The following ARHGAP10 variants were observed in gnomAD, a reference collection of about 807,000 sequenced individuals.
The protein encoded by ARHGAP10 is rho GTPase-activating protein 10.
In ARHGAP10, 87 loss-of-function variants were observed where a neutral mutation model predicts 108.6. That is an observed-to-expected ratio of 0.80 (90% CI 0.67 to 0.96). The LOEUF is 0.96. ARHGAP10 is among the 40% of genes least tolerant of loss of function. The probability of loss-of-function intolerance (pLI) is 0.00; values close to 1 mark genes in which losing one functional copy is unlikely to be tolerated. For synonymous variants in ARHGAP10, 347 were observed against 341.1 expected (o/e 1.02, Z -0.19); for missense variants, 939 against 954.5 (o/e 0.98, Z 0.21).
At chr4:147,763,290 GTGT>G (rs1243046697) in intron 1 of ARHGAP10, among the ~76,000 whole-genome samples, 1 of 151,452 alleles carries the variant, frequency 6.6e-6, no homozygotes, top group African/African-American at 2.4e-5. Flanking sequence ...GATAATGGTG[GTGT>G]TTGTAGTAGG....
intron 18 of ARHGAP10, among the ~76,000 whole-genome samples, chr4:148,008,372 A>G (rs746561271): frequency 3.0e-4 from 46 of 151,962 alleles, no homozygotes; most frequent in Non-Finnish European, 6.5e-4. Flanking sequence ...GCTATTAGAA[A>G]CATTTTTGTA....
chr4:147,896,794 A>G (rs1736009364), intron 10 of ARHGAP10, among the ~76,000 whole-genome samples: 1 of 152,108 alleles, frequency 6.6e-6, no homozygotes. Flanking sequence ...TGTTTTTATT[A>G]TAATTCAGTT....
At chr4:147,892,892 G>A (rs1735841197) in intron 10 of ARHGAP10, among the ~76,000 whole-genome samples, 1 of 152,152 alleles carries the variant, frequency 6.6e-6, no homozygotes, top group African/African-American at 2.4e-5. Context: ...GACATCTAGA[G>A]GGTAGAGGGC....
intron 12 of ARHGAP10, among the ~76,000 whole-genome samples, chr4:147,910,089 C>T (rs944050412): frequency 2.0e-5 from 3 of 152,112 alleles, no homozygotes; most frequent in Non-Finnish European, 4.4e-5. Context: ...ATCCCTGCAG[C>T]TTCAACCTCC....
chr4:148,042,214 A>G (rs1728662870), intron 19 of ARHGAP10, among the ~76,000 whole-genome samples: 1 of 152,134 alleles, frequency 6.6e-6, no homozygotes, highest in Non-Finnish European at 1.5e-5. Flanking sequence ...CCTGAGGCTC[A>G]TCTTAAGTTT....
At chr4:147,962,559 A>G (rs1739040495) in intron 16 of ARHGAP10, among the ~76,000 whole-genome samples, 1 of 152,172 alleles carries the variant, frequency 6.6e-6, no homozygotes, top group Non-Finnish European at 1.5e-5. Flanking sequence ...CGGTCCTGAC[A>G]TACAATCTTT....
chr4:147,841,258 G>T (rs1733404687), intron 3 of ARHGAP10, among the ~76,000 whole-genome samples: 1 of 152,204 alleles, frequency 6.6e-6, no homozygotes, highest in Admixed American at 6.5e-5. Context: ...CCTTTCCAAG[G>T]CTCACTAGCC....
chr4:147,744,320 G>A (rs1301352884), intron 1 of ARHGAP10, among the ~76,000 whole-genome samples: 1 of 151,986 alleles, frequency 6.6e-6, no homozygotes, highest in Non-Finnish European at 1.5e-5. Flanking sequence ...TCCTGTGGAT[G>A]GAAAAATGGT....
intron 18 of ARHGAP10, among the ~76,000 whole-genome samples, chr4:148,004,405 G>T (rs916339033): frequency 9.2e-5 from 14 of 152,172 alleles, no homozygotes; most frequent in Non-Finnish European, 1.5e-4. Context: ...TAGTGATTGT[G>T]GCAGACTCAC....
At position 147,985,728 on chromosome 4, in the gene ARHGAP10, C is replaced by T. The variant is rs1013881371; in HGVS notation, c.1716+18889C>T. Among the ~76,000 whole-genome samples the T allele has an allele frequency of 5.3e-5, 8 of 152,298 alleles. No homozygotes were observed. The South Asian group carries it at 1.7e-3, about 32-fold the overall frequency. Reference sequence around the variant, plus strand: ...TTAAAAATGGCATCCCCTTGTCATTCCTGGTTCTGAGAAAATACATGCAGC... The same window carrying T: ...TTAAAAATGGCATCCCCTTGTCATTTCTGGTTCTGAGAAAATACATGCAGC... On this transcript the variant is annotated intron_variant, in intron 18 of 22. Transcript: ENST00000336498.
intron 18 of ARHGAP10, among the ~76,000 whole-genome samples, chr4:147,999,635 C>G (rs941498024): frequency 3.9e-5 from 6 of 152,208 alleles, no homozygotes; most frequent in African/African-American, 1.4e-4. Context: ...CTGGGTTCCA[C>G]GGTTCTCTTC....
Position 147,887,245 on chromosome 4 carries a change from C to A in ARHGAP10, c.1034+5313C>A, listed in dbSNP as rs149561726. ...CCTCCACCCTCAGTGCCCAGACACC[C>A]TGCCTTTCCTCCCTGCCTGTGGGAG... is the stretch of plus-strand genomic sequence containing the variant. On this transcript the variant is annotated intron_variant, in intron 10 of 22. Transcript: ENST00000336498. Among the ~76,000 whole-genome samples, 1,004 of 152,242 alleles carry A rather than the reference C, an allele frequency of 6.6e-3. 18 individuals carry two copies. Among genetic ancestry groups the A allele is most frequent in the African/African-American group, 0.022 (934 of 41,530 alleles).
intron 1 of ARHGAP10, among the ~76,000 whole-genome samples, chr4:147,772,911 G>C (rs74979568): frequency 2.6e-5 from 4 of 152,108 alleles, no homozygotes; most frequent in African/African-American, 7.2e-5. Context: ...GAGTCATTGG[G>C]TGGGCGGAAC....
At chr4:148,070,740 C>T (rs927480580) in intron 22 of ARHGAP10, among the ~76,000 whole-genome samples, 8 of 152,144 alleles carry the variant, frequency 5.3e-5, no homozygotes, top group African/African-American at 1.9e-4. Context: ...AATTATTCTC[C>T]TGGGTTGTGA....
At chr4:147,770,695 ATT>A (rs1430762856) in intron 1 of ARHGAP10, among the ~76,000 whole-genome samples, 2 of 152,232 alleles carry the variant, frequency 1.3e-5, no homozygotes, top group Non-Finnish European at 2.9e-5. Flanking sequence ...CTGGATTCAG[ATT>A]CCACCTCTGC....
intron 10 of ARHGAP10, among the ~76,000 whole-genome samples, chr4:147,886,639 A>G (rs1309726922): frequency 6.6e-6 from 1 of 152,174 alleles, no homozygotes; most frequent in Non-Finnish European, 1.5e-5. Flanking sequence ...TCCCAACTTA[A>G]GATTCAGTTC....
At chr4:148,042,490 C>A (rs1241725518) in intron 19 of ARHGAP10, among the ~76,000 whole-genome samples, 1 of 152,184 alleles carries the variant, frequency 6.6e-6, no homozygotes, top group African/African-American at 2.4e-5. Flanking sequence ...TCTCCTGTTT[C>A]TTTTCTTTCA....
At chr4:147,762,926 T>C (rs17023771) in intron 1 of ARHGAP10, among the ~76,000 whole-genome samples, 5,267 of 152,118 alleles carry the variant, frequency 0.035, 283 homozygotes, top group African/African-American at 0.12. Context: ...TACTCTGGAT[T>C]CCATTTGCTA....
In ARHGAP10 at chr4:147,903,113, A is replaced by T. The variant is rs565638142; in HGVS notation, c.1035-3525A>T. Among the ~76,000 whole-genome samples the T allele has an allele frequency of 1.3e-4, 20 of 152,238 alleles. No homozygotes were observed. The South Asian group carries it at 3.5e-3, about 27-fold the overall frequency. On this transcript the variant is annotated intron_variant, in intron 10 of 22. Coordinates refer to ENST00000336498, the MANE Select transcript of ARHGAP10 (RefSeq NM_024605.4). ...TGGGGACCCAGAGCCAAACCATCCC[A>T]CATGGCCAGGGAGGCCCTGTGTGGC...
Sources: allele counts gnomAD v4.1 joint callset (sites outside exome capture counted in the v4.1 genomes callset), GRCh38; gene constraint gnomAD v4.1.1; transcripts MANE v1.5; gene names NCBI Gene and HGNC (gene_info 2026-07-23, HGNC 2026-07-21).